HOMER2: variants seen among roughly 807,000 people sequenced by gnomAD.
The protein encoded by HOMER2 is homer protein homolog 2.
In HOMER2, 27 loss-of-function variants were observed where a neutral mutation model predicts 47.0. The observed-to-expected ratio is 0.57, with a 90% confidence interval of 0.42 to 0.79. The LOEUF (loss-of-function observed/expected upper bound fraction) is 0.79. Among genes scored for constraint, HOMER2 ranks in the 30% least tolerant of loss-of-function variants. The probability of loss-of-function intolerance (pLI) is 0.00; values close to 1 mark genes in which losing one functional copy is unlikely to be tolerated. For missense variants in HOMER2, 443 were observed against 435.0 expected (o/e 1.02, Z -0.16); for synonymous variants, 161 against 163.8 (o/e 0.98, Z 0.13).
chr15:82,963,051 A>C (rs932490746), intron 1 of HOMER2, among the ~76,000 whole-genome samples: 2 of 152,102 alleles, frequency 1.3e-5, no homozygotes, highest in African/African-American at 2.4e-5. Flanking sequence ...AGGCTGAGGC[A>C]GGCAGATCAC....
At chr15:82,866,855 G>A (rs745382191) in intron 3 of HOMER2, among the ~76,000 whole-genome samples, 2 of 152,144 alleles carry the variant, frequency 1.3e-5, no homozygotes, top group African/African-American at 4.8e-5. Context: ...TGTTTCTTTT[G>A]TAAATTGCCC....
At chr15:82,838,379 G>A (rs2051146869) in exon 2 of HOMER2, 1 of 152,262 alleles carries the variant, frequency 6.6e-6, no homozygotes, top group African/African-American at 2.4e-5. Context: ...GTAGAACTGT[G>A]GCTCTCGGCA....
At chr15:82,921,413 A>C (rs919526260) in intron 1 of HOMER2, among the ~76,000 whole-genome samples, 2 of 152,090 alleles carry the variant, frequency 1.3e-5, no homozygotes, top group Non-Finnish European at 2.9e-5. Context: ...TTGGTGCTGG[A>C]GCACGTCACA....
At chr15:82,858,115 G>C (rs1359675792) in intron 5 of HOMER2, among the ~76,000 whole-genome samples, 5 of 152,002 alleles carry the variant, frequency 3.3e-5, no homozygotes, top group Admixed American at 3.3e-4. Context: ...CATAGATCTT[G>C]TATATTTAAG....
intron 1 of HOMER2, among the ~76,000 whole-genome samples, chr15:82,933,511 T>A (rs965609051): frequency 2.0e-5 from 3 of 152,154 alleles, no homozygotes; most frequent in African/African-American, 7.2e-5. Flanking sequence ...CCTCCCAAAG[T>A]GCTAGGTTTA....
intron 3 of HOMER2, among the ~76,000 whole-genome samples, chr15:82,868,542 T>TATATA (rs370867216): frequency 0.011 from 449 of 42,698 alleles, 9 homozygotes; most frequent in African/African-American, 0.031. Flanking sequence ...TATATATATA[T>TATATA]TTTTTTTTTT....
chr15:82,852,092 G>T, intron 7 of HOMER2, 50 bp downstream of exon 7: 1 of 1,357,860 alleles, frequency 7.4e-7, no homozygotes, highest in Non-Finnish European at 1.0e-6. Flanking sequence ...GTGCCACCCC[G>T]CAAGGCCAAG....
chr15:82,922,086 C>T (rs1277812489), intron 1 of HOMER2, among the ~76,000 whole-genome samples: 1 of 152,150 alleles, frequency 6.6e-6, no homozygotes, highest in South Asian at 2.1e-4. Flanking sequence ...GCTCCTTGTC[C>T]AAGGGCTCCT....
At chr15:82,956,239 C>CAAA (rs34193575), upstream of HOMER2, among the ~76,000 whole-genome samples, 4 of 92,018 alleles carry the variant, frequency 4.3e-5, no homozygotes, top group Non-Finnish European at 6.2e-5. Context: ...GACTCCATCT[C>CAAA]AAAAAAAAAA....
intron 1 of HOMER2, among the ~76,000 whole-genome samples, chr15:82,916,807 A>ATT (rs906151960): frequency 4.1e-5 from 6 of 144,830 alleles, no homozygotes; most frequent in Admixed American, 1.4e-4. Flanking sequence ...CAGAGCCCTC[A>ATT]TTTTTTTTTT....
intron 1 of HOMER2, among the ~76,000 whole-genome samples, chr15:82,949,089 C>G (rs60314957): frequency 0.012 from 1,742 of 142,698 alleles, 40 homozygotes; most frequent in African/African-American, 0.043. Context: ...AAACATGACT[C>G]TTGGCAAATG....
upstream of HOMER2, among the ~76,000 whole-genome samples, chr15:82,956,613 A>C (rs1385288677): frequency 6.6e-6 from 1 of 152,180 alleles, no homozygotes; most frequent in African/African-American, 2.4e-5. Context: ...TCTAGACAAA[A>C]GATAAGGGTG....
At chr15:82,852,352 A>G (rs2051423657) in intron 6 of HOMER2, 100 bp from the exon 7 acceptor site, 1 of 789,362 alleles carries the variant, frequency 1.3e-6, no homozygotes, top group Non-Finnish European at 2.0e-6. Flanking sequence ...TTTAAAATAA[A>G]CCCTAAACTA....
At chr15:82,919,300 C>G (rs1048766121) in intron 1 of HOMER2, among the ~76,000 whole-genome samples, 1 of 152,230 alleles carries the variant, frequency 6.6e-6, no homozygotes. Context: ...TCTCTGCCTT[C>G]AGGCCTTACT....
chr15:82,978,888 T>A (rs2030297159), intron 1 of HOMER2, among the ~76,000 whole-genome samples: 1 of 152,120 alleles, frequency 6.6e-6, no homozygotes. Context: ...ACCCAGCTAA[T>A]TTTTGTATTT....
chr15:82,978,684 C>G (rs918430886), intron 1 of HOMER2, among the ~76,000 whole-genome samples: 5 of 152,158 alleles, frequency 3.3e-5, no homozygotes, highest in Non-Finnish European at 7.4e-5. Context: ...TTCCCCCATG[C>G]TATTCTTGTG....
At chr15:82,920,272 T>A (rs564552811) in intron 1 of HOMER2, among the ~76,000 whole-genome samples, 1 of 152,348 alleles carries the variant, frequency 6.6e-6, no homozygotes, top group East Asian at 1.9e-4. Flanking sequence ...TCCTTGCACA[T>A]CAGGAATGGC....
intron 1 of HOMER2, among the ~76,000 whole-genome samples, chr15:82,966,413 C>G (rs547159794): frequency 1.3e-5 from 2 of 152,242 alleles, no homozygotes; most frequent in East Asian, 3.9e-4. Flanking sequence ...GGAAAGAAAA[C>G]AGTCAAACTT....
chr15:82,875,385 A>T lies in HOMER2; in HGVS notation c.182T>A (p.Ile61Asn). Residue 61 changes from isoleucine (I) to asparagine (N), a missense_variant, in exon 3 of 9, where the codon ATC (isoleucine) becomes AAC (asparagine). Transcript: ENST00000450735. ...TTTGGTGAAGGTCATATTCGGTGTGATTGTGCTGTTTATGATCACCTGCAG... is the reference window on the plus strand; with the variant it reads ...TTTGGTGAAGGTCATATTCGGTGTGTTTGTGCTGTTTATGATCACCTGCAG... ...DGAKVIINST[I>N]TPNMTFTKTS... 3.7e-6 allele frequency: 6 copies of T among 1,614,000 alleles called. No individual in the cohort carries two copies. The highest frequency in any genetic ancestry group is 5.1e-6 in the Non-Finnish European group (6 of 1,179,866).
Sources: gnomAD v4.1 joint callset for allele counts (sites outside exome capture counted in the v4.1 genomes callset) on GRCh38, gnomAD v4.1.1 for gene constraint, MANE v1.5 for transcripts, NCBI Gene and HGNC (gene_info 2026-07-23, HGNC 2026-07-21) for gene names.